AHCYL1: variants seen among roughly 807,000 people sequenced by gnomAD.
The protein encoded by AHCYL1 is adenosylhomocysteinase like 1, also known as S-adenosylhomocysteine hydrolase-like protein 1.
Under a neutral mutation model 79.3 loss-of-function variants are expected in AHCYL1, and 20 were observed. That is an observed-to-expected ratio of 0.25 (90% CI 0.18 to 0.37). The LOEUF is 0.37. Among genes scored for constraint, AHCYL1 ranks in the 10% least tolerant of loss-of-function variants. AHCYL1 has a pLI of 1.00. For missense variants in AHCYL1, 330 were observed against 673.6 expected (o/e 0.49, Z 5.65); for synonymous variants, 223 against 242.2 (o/e 0.92, Z 0.74).
Position 110,011,236 on chromosome 1 carries a change from T to C in AHCYL1, c.255T>C (p.Ser85=), listed in dbSNP as rs201422044. Reference sequence around the variant, plus strand: ...TAGCTGCATCCTACACAGATAGCTCTGATGATGAGGTTTCTCCCCGAGAGA... The same window carrying C: ...TAGCTGCATCCTACACAGATAGCTCCGATGATGAGGTTTCTCCCCGAGAGA... ...YSSAASYTDS[S]DDEVSPREKQ... Residue 85 remains serine, a synonymous_variant, in exon 3 of 17, where the codon TCT becomes TCC. Transcript: ENST00000369799. 124 of 1,614,046 alleles carry C rather than the reference T, an allele frequency of 7.7e-5. No individual in the cohort carries two copies. Among genetic ancestry groups the C allele is most frequent in the Admixed American group, 1.2e-4 (7 of 59,998 alleles).
At chr1:110,006,406 T>G (rs2101718299) in intron 1 of AHCYL1, among the ~76,000 whole-genome samples, 1 of 152,288 alleles carries the variant, frequency 6.6e-6, no homozygotes, top group Non-Finnish European at 1.5e-5. Flanking sequence ...GACTTAATGT[T>G]TGGAAGAAAT....
Position 109,984,878 on chromosome 1 carries a change from C to G in AHCYL1, c.-175C>G, listed in dbSNP as rs1649377528. On this transcript the variant is annotated 5_prime_UTR_variant, in exon 1 of 17. Coordinates refer to ENST00000369799, the MANE Select transcript of AHCYL1 (RefSeq NM_006621.7). ...GTCGCTGTCCGGCTGCCTTGGGCTG[C>G]CGAACAGACAAGGCGTGGGCCACAG... 2.8e-6 allele frequency: 3 copies of G among 1,078,912 alleles called. No individual in the cohort carries two copies. The highest frequency in any genetic ancestry group is 3.6e-6 in the Non-Finnish European group (3 of 840,612). 66.8% of individuals were successfully genotyped at this position (1,078,912 alleles called of 1,614,324 possible).
At chr1:110,020,102 C>T (rs1336332488) in intron 15 of AHCYL1, among the ~76,000 whole-genome samples, 1 of 152,152 alleles carries the variant, frequency 6.6e-6, no homozygotes, top group African/African-American at 2.4e-5. Flanking sequence ...ACGGTGTACC[C>T]ATCTCCCATA....
intron 1 of AHCYL1, among the ~76,000 whole-genome samples, chr1:109,996,406 G>A (rs1194722093): frequency 6.6e-6 from 1 of 152,222 alleles, no homozygotes; most frequent in East Asian, 1.9e-4. Flanking sequence ...CCCAGGGCCT[G>A]TGCTAGGCAC....
chr1:110,018,147 C>A, intron 11 of AHCYL1, 131 bp downstream of exon 11: 1 of 1,095,220 alleles, frequency 9.1e-7, no homozygotes, highest in Non-Finnish European at 1.3e-6. Context: ...GCTATCAGAA[C>A]CTTAACATGT....
chr1:109,987,823 G>A (rs1649553439), intron 1 of AHCYL1, among the ~76,000 whole-genome samples: 1 of 152,152 alleles, frequency 6.6e-6, no homozygotes. Context: ...CAACTAAAGG[G>A]ATATGACCTT....
At chr1:109,994,966 ATGTAT>A (rs1454700654) in intron 1 of AHCYL1, among the ~76,000 whole-genome samples, 4 of 152,150 alleles carry the variant, frequency 2.6e-5, no homozygotes, top group South Asian at 2.1e-4. Context: ...GTGTAATAAG[ATGTAT>A]TGTAAGTCCA....
intron 9 of AHCYL1, 128 bp downstream of exon 9, chr1:110,016,858 A>C: frequency 3.2e-6 from 3 of 946,556 alleles, no homozygotes; most frequent in Middle Eastern, 3.5e-4. Context: ...AATGTATCTC[A>C]AACAATAGCA....
intron 1 of AHCYL1, among the ~76,000 whole-genome samples, chr1:109,996,190 A>G (rs1221174028): frequency 6.6e-6 from 1 of 152,248 alleles, no homozygotes; most frequent in African/African-American, 2.4e-5. Flanking sequence ...AGCCTGGGCA[A>G]CAGAGCAAGA....
rs1557771900 is a variant in AHCYL1, at chr1:110,012,911, A to G, written c.492A>G (p.Thr164=). Residue 164 remains threonine (T), a synonymous_variant, in exon 5 of 17, where the codon ACA becomes ACG. Coordinates refer to ENST00000369799, the MANE Select transcript of AHCYL1 (RefSeq NM_006621.7). The stretch of plus-strand genomic sequence containing the variant: ...CTTCTACACAGGTGTTGATTGAGAC[A>G]CTCTGTGCCCTGGGGGCTCAGTGCC... ...ITAQTAVLIE[T]LCALGAQCRW... The G allele has an allele frequency of 1.2e-6, 2 of 1,611,074 alleles. No individual in the cohort carries two copies. The highest frequency in any genetic ancestry group is 2.2e-5 in the South Asian group (2 of 90,580).
At position 110,013,117 on chromosome 1, in the gene AHCYL1, A is replaced by G. The variant is rs527439029; in HGVS notation, c.580+118A>G. 57 of 700,584 alleles carry G rather than the reference A, an allele frequency of 8.1e-5. No homozygotes were observed. In the South Asian group the frequency reaches 1.3e-3, roughly 16 times the overall value. The allele number at this position is 700,584 out of a possible 1,614,324, so 43.4% of individuals were successfully genotyped here. ...ATGTCTAGAGGCTATAAAATTGTGC[A>G]TGATAAAAACCTCAACAGGAAGAAA... is the stretch of plus-strand genomic sequence containing the variant. On this transcript the variant is annotated intron_variant, in intron 5 of 16. Transcript: ENST00000369799.
At chr1:109,992,625 T>C (rs1450951276) in intron 1 of AHCYL1, among the ~76,000 whole-genome samples, 1 of 152,168 alleles carries the variant, frequency 6.6e-6, no homozygotes, top group Non-Finnish European at 1.5e-5. Context: ...GAGAGGTCAG[T>C]AAGTAGACAG....
intron 16 of AHCYL1, among the ~76,000 whole-genome samples, chr1:110,021,110 G>A (rs1038945501): frequency 2.0e-5 from 3 of 152,106 alleles, no homozygotes; most frequent in Non-Finnish European, 4.4e-5. Flanking sequence ...GTGTGGTGGC[G>A]GGCACCTGTC....
chr1:110,001,065 C>T (rs1394002310), intron 1 of AHCYL1: 1 of 583,234 alleles, frequency 1.7e-6, no homozygotes, highest in African/African-American at 2.0e-5. Context: ...GTGGTGTTAC[C>T]AGTGATGCTT....
intron 1 of AHCYL1, among the ~76,000 whole-genome samples, chr1:110,008,241 C>G (rs534796819): frequency 6.6e-6 from 1 of 151,990 alleles, no homozygotes; most frequent in African/African-American, 2.4e-5. Flanking sequence ...AGGCTGGTCT[C>G]CATCTCCTGA....
In AHCYL1 at chr1:110,013,085, A is replaced by G. The variant is rs541477273; in HGVS notation, c.580+86A>G. On this transcript the variant is annotated intron_variant, in intron 5 of 16. Coordinates refer to ENST00000369799, the MANE Select transcript of AHCYL1 (RefSeq NM_006621.7). Reference sequence around the variant, plus strand: ...TTTGTATCAAAATTGTCATTACAATATCATATATGTCTAGAGGCTATAAAA... The same window carrying G: ...TTTGTATCAAAATTGTCATTACAATGTCATATATGTCTAGAGGCTATAAAA... 2.4e-5 allele frequency: 24 copies of G among 990,092 alleles called. No homozygotes were observed. In the East Asian group the frequency reaches 4.7e-4, roughly 19 times the overall value. The allele number at this position is 990,092 out of a possible 1,614,324, so 61.3% of individuals were successfully genotyped here. A position where few individuals can be genotyped will look rare whatever the true frequency, so the allele number is the denominator to read the frequency against.
chr1:110,000,950 T>C (rs1452097820), intron 1 of AHCYL1: 1 of 985,210 alleles, frequency 1.0e-6, no homozygotes, highest in African/African-American at 1.7e-5. Context: ...TAAAGTCATA[T>C]AAATCTAGGC....
At chr1:110,004,534 A>G in intron 1 of AHCYL1, 2 of 972,620 alleles carry the variant, frequency 2.1e-6, no homozygotes, top group Non-Finnish European at 2.4e-6. Flanking sequence ...AGTGAAAGGT[A>G]TTCAGACTTG....
intron 1 of AHCYL1, among the ~76,000 whole-genome samples, chr1:109,991,363 A>G (rs1649750023): frequency 6.6e-6 from 1 of 152,228 alleles, no homozygotes; most frequent in African/African-American, 2.4e-5. Flanking sequence ...TAAAAGCCCC[A>G]ACGCCTCCGC....
Sources: allele counts gnomAD v4.1 joint callset (sites outside exome capture counted in the v4.1 genomes callset), GRCh38; gene constraint gnomAD v4.1.1; transcripts MANE v1.5; gene names NCBI Gene and HGNC (gene_info 2026-07-23, HGNC 2026-07-21).